GALNT1: variants seen among roughly 807,000 people sequenced by gnomAD.
GALNT1 encodes polypeptide N-acetylgalactosaminyltransferase 1, also known as GalNAc transferase 1.
In GALNT1, 17 loss-of-function variants were observed where a neutral mutation model predicts 65.7. The ratio of observed to expected loss-of-function variants is 0.26; its 90% confidence interval spans 0.18 to 0.39. The LOEUF is 0.39. GALNT1 is among the 10% of genes least tolerant of loss of function. The pLI is 1.00. For missense variants in GALNT1, 460 were observed against 672.8 expected (o/e 0.68, Z 3.50); for synonymous variants, 210 against 219.7 (o/e 0.96, Z 0.39).
intron 1 of GALNT1, among the ~76,000 whole-genome samples, chr18:35,617,633 G>A (rs1272973866): frequency 1.3e-5 from 2 of 152,134 alleles, no homozygotes; most frequent in Admixed American, 1.3e-4. Flanking sequence ...AGCAATGGAA[G>A]ACATCATGTC....
chr18:35,701,390 C>T (rs973655596), intron 9 of GALNT1, among the ~76,000 whole-genome samples: 1 of 152,200 alleles, frequency 6.6e-6, no homozygotes, highest in Non-Finnish European at 1.5e-5. Flanking sequence ...AATTCTTTTT[C>T]AAGTGAGATA....
chr18:35,663,294 C>T (rs1161695428), intron 2 of GALNT1, among the ~76,000 whole-genome samples: 3 of 152,062 alleles, frequency 2.0e-5, no homozygotes, highest in Admixed American at 6.5e-5. Flanking sequence ...GTTCAATTCC[C>T]CATTACAGAG....
At chr18:35,705,211 T>C (rs1361977652) in intron 11 of GALNT1, among the ~76,000 whole-genome samples, 1 of 152,188 alleles carries the variant, frequency 6.6e-6, no homozygotes, top group East Asian at 1.9e-4. Context: ...ACATCTAAGA[T>C]AATATGCTTC....
At chr18:35,672,083 A>G (rs565540882) in intron 3 of GALNT1, among the ~76,000 whole-genome samples, 4 of 152,326 alleles carry the variant, frequency 2.6e-5, no homozygotes, top group Admixed American at 6.5e-5. Context: ...TTTACTGGCT[A>G]TGTGGTTTAG....
chr18:35,599,841 C>T (rs1372128129), intron 1 of GALNT1, among the ~76,000 whole-genome samples: 3 of 152,084 alleles, frequency 2.0e-5, no homozygotes, highest in South Asian at 2.1e-4. Flanking sequence ...GCTGTAAATG[C>T]GTGGATTTCT....
chr18:35,695,960 G>A (rs1710924361), intron 9 of GALNT1, among the ~76,000 whole-genome samples: 2 of 152,092 alleles, frequency 1.3e-5, no homozygotes, highest in South Asian at 4.1e-4. Context: ...TGTTAGCTGG[G>A]CCAGAGTTCG....
intron 5 of GALNT1, 25 bp downstream of exon 5, chr18:35,683,623 T>G (rs769362057): frequency 4.4e-6 from 7 of 1,598,742 alleles, no homozygotes; most frequent in Non-Finnish European, 6.0e-6. Context: ...TCTGTAAGTT[T>G]GCTTTTAGTA....
intron 3 of GALNT1, 44 bp downstream of exon 3, chr18:35,663,846 T>A (rs750009334): frequency 2.5e-5 from 39 of 1,570,564 alleles, no homozygotes; most frequent in Non-Finnish European, 3.1e-5. Context: ...ATGAAAAGTA[T>A]ATTCTGAATT....
chr18:35,677,626 C>A lies in GALNT1; in HGVS notation c.350C>A (p.Thr117Lys), dbSNP rs774063067. 5.0e-6 allele frequency: 8 copies of A among 1,612,722 alleles called. No individual in the cohort carries two copies. The highest frequency in any genetic ancestry group is 6.8e-6 in the Non-Finnish European group (8 of 1,179,088). ...KTKVYPDNLP[T>K]TSVVIVFHNE... Reference sequence around the variant, plus strand: ...AAGGTGTATCCAGATAATCTTCCTACAACAAGTGTGGTGATTGTTTTCCAC... The same window carrying A: ...AAGGTGTATCCAGATAATCTTCCTAAAACAAGTGTGGTGATTGTTTTCCAC... The change falls in exon 4 of 12, where the codon ACA (threonine) becomes AAA (lysine). Residue 117 changes from threonine (T) to lysine (K), a missense_variant. Physicochemically the swap from Thr to Lys is moderately conservative, Grantham distance 78 (BLOSUM62 -1). Transcript: ENST00000269195.
intron 1 of GALNT1, among the ~76,000 whole-genome samples, chr18:35,632,825 A>C (rs1486163121): frequency 1.3e-5 from 2 of 152,246 alleles, no homozygotes; most frequent in Non-Finnish European, 2.9e-5. Context: ...AATATCCAGA[A>C]TCTACAAAGA....
chr18:35,597,999 C>CTCCCA (rs2046526791), intron 1 of GALNT1, among the ~76,000 whole-genome samples: 2 of 61,076 alleles, frequency 3.3e-5, no homozygotes, highest in African/African-American at 1.1e-4. Context: ...CTCCCCTCCC[C>CTCCCA]TCCCCTCCCC....
intron 1 of GALNT1, among the ~76,000 whole-genome samples, chr18:35,636,787 T>TC (rs2047095468): frequency 6.9e-6 from 1 of 144,362 alleles, no homozygotes; most frequent in African/African-American, 2.6e-5. Context: ...TACTTTGTTT[T>TC]TTTTTTTTTT....
intron 7 of GALNT1, 56 bp from the exon 8 acceptor site, chr18:35,690,956 T>G (rs2047951439): frequency 7.0e-7 from 1 of 1,418,914 alleles, no homozygotes; most frequent in African/African-American, 1.4e-5. Context: ...AAAACTAAGG[T>G]GAACATTTCC....
chr18:35,657,946 A>G (rs1227675890), intron 2 of GALNT1, among the ~76,000 whole-genome samples: 1 of 152,178 alleles, frequency 6.6e-6, no homozygotes, highest in Non-Finnish European at 1.5e-5. Flanking sequence ...AGGGGAAAGG[A>G]GGAATACTTG....
intron 4 of GALNT1, among the ~76,000 whole-genome samples, chr18:35,678,107 A>C (rs2047736138): frequency 6.6e-6 from 1 of 152,180 alleles, no homozygotes; most frequent in Non-Finnish European, 1.5e-5. Context: ...GAGAGACTGG[A>C]TTCTGCTTAC....
intron 11 of GALNT1, among the ~76,000 whole-genome samples, chr18:35,704,954 T>G (rs57318075): frequency 6.6e-6 from 1 of 152,252 alleles, no homozygotes; most frequent in East Asian, 1.9e-4. Context: ...TGGCCTGATA[T>G]TTTCATATCC....
chr18:35,615,076 A>G (rs551951317), intron 1 of GALNT1, among the ~76,000 whole-genome samples: 1 of 152,260 alleles, frequency 6.6e-6, no homozygotes, highest in African/African-American at 2.4e-5. Flanking sequence ...CCAGCAGGGT[A>G]TGGTTTTGTT....
intron 8 of GALNT1, among the ~76,000 whole-genome samples, chr18:35,691,830 G>A (rs896612512): frequency 1.3e-5 from 2 of 152,184 alleles, no homozygotes; most frequent in African/African-American, 4.8e-5. Flanking sequence ...ACAGTTCAGT[G>A]AGTTGTGTGA....
intron 1 of GALNT1, among the ~76,000 whole-genome samples, chr18:35,636,779 C>CTTTTTTTTT (rs1292356376): frequency 1.0e-5 from 1 of 97,798 alleles, no homozygotes; most frequent in Non-Finnish European, 2.0e-5. Context: ...ACAGATACTA[C>CTTTTTTTTT]TTTGTTTTTT....
Sources: allele counts gnomAD v4.1 joint callset (sites outside exome capture counted in the v4.1 genomes callset), GRCh38; gene constraint gnomAD v4.1.1; transcripts MANE v1.5; gene names NCBI Gene and HGNC (gene_info 2026-07-23, HGNC 2026-07-21).